Variants in SNAPC4 observed in about 807,000 individuals in gnomAD.
The protein encoded by SNAPC4 is snRNA-activating protein complex subunit 4.
In SNAPC4, 127 loss-of-function variants were observed where a neutral mutation model predicts 151.3. The observed-to-expected ratio is 0.84, with a 90% CI of 0.73 to 0.97. The LOEUF (loss-of-function observed/expected upper bound fraction) is 0.97, where lower values mean the gene tolerates loss of function less well. SNAPC4 is among the 50% of genes least tolerant of loss of function. The pLI, the probability that SNAPC4 is intolerant of heterozygous loss-of-function variation, is 0.00. For missense variants in SNAPC4, 2,186 were observed against 1,935.0 expected, an observed-to-expected ratio of 1.13 and a Z score of -2.43; for synonymous variants, 1,002 against 824.4, an observed-to-expected ratio of 1.22 and a Z score of -3.69.
intron 13 of SNAPC4, among the ~76,000 whole-genome samples, chr9:136,386,434 A>ATTTT (rs1022722686): frequency 7.8e-6 from 1 of 128,916 alleles, no homozygotes; most frequent in African/African-American, 2.9e-5. Flanking sequence ...TCTACACTTC[A>ATTTT]TTTTTTTTTT....
At chr9:136,377,192 A>T (rs1833478093) in intron 22 of SNAPC4, among the ~76,000 whole-genome samples, 1 of 152,186 alleles carries the variant, frequency 6.6e-6, no homozygotes, top group Non-Finnish European at 1.5e-5. Context: ...CCACCCTGGG[A>T]GCACACGTGT....
intron 1 of SNAPC4, among the ~76,000 whole-genome samples, chr9:136,399,533 G>A (rs989464972): frequency 1.3e-5 from 2 of 152,072 alleles, no homozygotes; most frequent in East Asian, 1.9e-4. Flanking sequence ...TGATCAGCAG[G>A]AAGGAGGTCA....
intron 23 of SNAPC4, 142 bp downstream of exon 23, chr9:136,376,206 TC>T (rs1564373422): frequency 1.1e-6 from 1 of 939,536 alleles, no homozygotes; most frequent in East Asian, 2.5e-5. Context: ...CTGGAGGGCC[TC>T]CATGACCCTG....
At chr9:136,386,595 C>T (rs996601777) in intron 13 of SNAPC4, among the ~76,000 whole-genome samples, 8 of 151,678 alleles carry the variant, frequency 5.3e-5, no homozygotes, top group Admixed American at 3.9e-4. Flanking sequence ...CCACCACGCC[C>T]GGCTAATTTT....
rs150771767 is a variant in SNAPC4, at chr9:136,392,200, G to A, written c.811-94C>T. On this transcript the variant is annotated intron_variant, in intron 9 of 23. Coordinates refer to ENST00000684778, the MANE Select transcript of SNAPC4 (RefSeq NM_003086.4). ...CTGAGCTGTTGCTCTCCGCCAGCTG[G>A]AGGCTTCCACGGCTGCAAGTAAGCG... 28 of 1,493,118 alleles carry A rather than the reference G, an allele frequency of 1.9e-5. No individual in the cohort carries two copies. The African/African-American group carries it at 3.0e-4, about 16-fold the overall frequency. The allele number at this position is 1,493,118 out of a possible 1,614,324, so 92.5% of individuals were successfully genotyped here.
intron 3 of SNAPC4, among the ~76,000 whole-genome samples, 166 bp downstream of exon 3, chr9:136,396,811 G>A (rs1040436072): frequency 6.6e-6 from 1 of 152,216 alleles, no homozygotes; most frequent in Non-Finnish European, 1.5e-5. Context: ...TATTTCTGGG[G>A]ACAATTTCAA....
intron 13 of SNAPC4, among the ~76,000 whole-genome samples, chr9:136,385,019 G>A (rs1259750693): frequency 6.6e-6 from 1 of 152,212 alleles, no homozygotes; most frequent in Non-Finnish European, 1.5e-5. Context: ...TACAGGCTGG[G>A]AGAGAACGTT....
chr9:136,392,676 A>T lies in SNAPC4; in HGVS notation c.734T>A (p.Ile245Asn). 6.2e-7 allele frequency: 1 copy of T among 1,613,552 alleles called. No individual in the cohort carries two copies. The highest frequency in any genetic ancestry group is 8.5e-7 in the Non-Finnish European group (1 of 1,179,922). ...CCTCCCGGGAGGCCCCCCTCACTTG[A>T]TGTCCTGGATCTCCTTCTCGGCTTC... ...GREAEKEIQDINQLPEEALLG... is the reference protein window; with the variant it reads ...GREAEKEIQDNNQLPEEALLG... The change falls in exon 8 of 24, where the codon ATC (isoleucine) becomes AAC (asparagine). Residue 245 changes from isoleucine to asparagine, a missense_variant. By Grantham distance (149) the Ile-to-Asn change is moderately radical. Transcript: ENST00000684778.
At chr9:136,392,907 C>T (rs1018829487) in intron 7 of SNAPC4, 130 bp from the exon 8 acceptor site, 15 of 739,880 alleles carry the variant, frequency 2.0e-5, no homozygotes, top group Admixed American at 1.8e-4. Flanking sequence ...CTCCCTGCCT[C>T]GGCCTCCTCA....
At chr9:136,394,449 C>T (rs865820639) in intron 6 of SNAPC4, 119 bp from the exon 7 acceptor site, 6 of 842,546 alleles carry the variant, frequency 7.1e-6, no homozygotes, top group East Asian at 2.4e-5. Context: ...GTAAGCAGCA[C>T]GCCAGACCTA....
Position 136,387,965 on chromosome 9 carries a change from A to C in SNAPC4, c.1124-117T>G, listed in dbSNP as rs920245006. 17 of 683,348 alleles carry C rather than the reference A, an allele frequency of 2.5e-5. No individual in the cohort carries two copies. In the Admixed American group the frequency reaches 3.7e-4, roughly 15 times the overall value. The allele number at this position is 683,348 out of a possible 1,614,324, so 42.3% of individuals were successfully genotyped here. On this transcript the variant is annotated intron_variant, in intron 11 of 23. Transcript: ENST00000684778. The stretch of plus-strand genomic sequence containing the variant: ...GAGACACCCACCCTCCAGATGGGTC[A>C]CATAGAAAAGAATCACTTTGGCCAG...
chr9:136,380,894 G>A (rs771488085), intron 19 of SNAPC4, 44 bp from the exon 20 acceptor site: 3 of 1,216,950 alleles, frequency 2.5e-6, no homozygotes, highest in Non-Finnish European at 3.6e-6. Context: ...GCTTTCGGGA[G>A]CAGCTCCGAA....
intron 13 of SNAPC4, among the ~76,000 whole-genome samples, chr9:136,385,451 A>G (rs12238650): frequency 0.099 from 15,046 of 152,278 alleles, 947 homozygotes; most frequent in Admixed American, 0.17. Context: ...AAATAAACAG[A>G]TATCTATGTA....
At chr9:136,395,157 G>T in intron 5 of SNAPC4, 141 bp downstream of exon 5, 1 of 1,095,188 alleles carries the variant, frequency 9.1e-7, no homozygotes, top group East Asian at 2.5e-5. Context: ...TGCCCACCAC[G>T]GAGGAGGCAG....
At position 136,378,137 on chromosome 9, in the gene SNAPC4, C is replaced by G. The variant is rs559004458; in HGVS notation, c.3690G>C (p.Glu1230Asp). 2.3e-5 allele frequency: 37 copies of G among 1,607,766 alleles called. No individual in the cohort carries two copies. In the East Asian group the frequency reaches 3.8e-4, roughly 17 times the overall value. Residue 1230 changes from glutamate to aspartate, a missense_variant, in exon 22 of 24, where the codon GAG becomes GAC. Physicochemically the swap from Glu to Asp is conservative, Grantham distance 45. Coordinates refer to ENST00000684778, the MANE Select transcript of SNAPC4 (RefSeq NM_003086.4). ...TCTCCAGGCCCAGAGGCCCCCTGGG[C>G]TCCTGTGTCCCTGAGGGGGACCCCG... ...GTPGSPSGTQ[E>D]PRGPLGLEKL...
intron 7 of SNAPC4, among the ~76,000 whole-genome samples, 184 bp from the exon 8 acceptor site, chr9:136,392,961 G>A (rs1229573619): frequency 6.6e-6 from 1 of 152,218 alleles, no homozygotes; most frequent in Admixed American, 6.5e-5. Context: ...CTGCCACCGG[G>A]GTGGGAAGGG....
intron 1 of SNAPC4, among the ~76,000 whole-genome samples, chr9:136,399,100 G>A (rs1834367166): frequency 6.6e-6 from 1 of 152,240 alleles, no homozygotes; most frequent in African/African-American, 2.4e-5. Flanking sequence ...TCTGAAGGGA[G>A]AAGGACGCTA....
chr9:136,392,132 T>TGCAG (rs769296407), intron 9 of SNAPC4, 26 bp from the exon 10 acceptor site: 7 of 1,609,442 alleles, frequency 4.3e-6, no homozygotes, highest in Non-Finnish European at 5.9e-6. Flanking sequence ...CACTCAGCCT[T>TGCAG]GCAGGCCACT....
rs957561785 is a variant in SNAPC4 at position 136,384,651 on chromosome 9, C to T, written c.1420+69G>A. 6.1e-5 allele frequency: 51 copies of T among 831,876 alleles called. No homozygotes were observed. The African/African-American group carries it at 7.7e-4, about 13-fold the overall frequency. The allele number at this position is 831,876 out of a possible 1,614,324, so 51.5% of individuals were successfully genotyped here. ...ACGACAGAGCTTGCTCTGTCTTTAT[C>T]TTGATCTCTTTTCTAAGAAACAAAA... On this transcript the variant is annotated intron_variant, in intron 14 of 23. Coordinates refer to ENST00000684778, the MANE Select transcript of SNAPC4 (RefSeq NM_003086.4).
Sources: allele counts gnomAD v4.1 joint callset (sites outside exome capture counted in the v4.1 genomes callset), GRCh38; gene constraint gnomAD v4.1.1; transcripts MANE v1.5; gene names NCBI Gene and HGNC (gene_info 2026-07-23, HGNC 2026-07-21).